Variants in RORA observed in about 807,000 individuals in gnomAD.
RORA encodes the protein nuclear receptor ROR-alpha.
A neutral mutation model predicts 69.5 loss-of-function variants in RORA; 7 were observed. The observed-to-expected ratio is 0.10, with a 90% CI of 0.06 to 0.19. The LOEUF is 0.19. RORA is among the 10% of genes least tolerant of loss of function. The probability of loss-of-function intolerance (pLI) is 1.00; values close to 1 mark genes in which losing one functional copy is unlikely to be tolerated. For synonymous variants in RORA, 261 were observed against 240.8 expected (o/e 1.08, Z -0.78); for missense variants, 457 against 663.0 (o/e 0.69, Z 3.41).
At chr15:60,837,215 C>G (rs1367122844) in intron 1 of RORA, among the ~76,000 whole-genome samples, 2 of 152,102 alleles carry the variant, frequency 1.3e-5, no homozygotes, top group African/African-American at 2.4e-5. Flanking sequence ...GTCTTTGGCC[C>G]TTCCTTCCTG....
intron 1 of RORA, among the ~76,000 whole-genome samples, chr15:60,727,672 G>T (rs532951138): frequency 6.6e-6 from 1 of 151,498 alleles, no homozygotes; most frequent in African/African-American, 2.4e-5. Context: ...GGTTGTTTGG[G>T]ACTTTAAAAA....
At chr15:61,046,048 A>G (rs1897004068) in intron 1 of RORA, among the ~76,000 whole-genome samples, 1 of 152,146 alleles carries the variant, frequency 6.6e-6, no homozygotes, top group Non-Finnish European at 1.5e-5. Context: ...AAAGAAAGCA[A>G]GGACTGAGAA....
intron 2 of RORA, among the ~76,000 whole-genome samples, chr15:60,607,366 G>A (rs1596049809): frequency 6.6e-6 from 1 of 152,246 alleles, no homozygotes; most frequent in East Asian, 1.9e-4. Flanking sequence ...CCCCTATAAA[G>A]TGATTTAGTT....
intron 1 of RORA, among the ~76,000 whole-genome samples, chr15:60,749,051 C>T (rs568410830): frequency 9.2e-5 from 14 of 152,136 alleles, no homozygotes; most frequent in Non-Finnish European, 1.6e-4. Flanking sequence ...AGAGTCCATC[C>T]CCAGGGATCC....
intron 2 of RORA, among the ~76,000 whole-genome samples, chr15:60,607,682 G>T (rs1411380326): frequency 6.6e-6 from 1 of 152,156 alleles, no homozygotes; most frequent in Non-Finnish European, 1.5e-5. Flanking sequence ...CCTATTTAAA[G>T]CTAGAATGTT....
chr15:61,122,767 G>A (rs368942482), intron 1 of RORA, among the ~76,000 whole-genome samples: 5 of 152,040 alleles, frequency 3.3e-5, no homozygotes, highest in African/African-American at 1.2e-4. Flanking sequence ...GCATGCTAAC[G>A]TCCACATCTG....
At chr15:60,569,030 G>A (rs1333083166) in intron 2 of RORA, among the ~76,000 whole-genome samples, 1 of 150,834 alleles carries the variant, frequency 6.6e-6, no homozygotes, top group Non-Finnish European at 1.5e-5. Context: ...AGGCCTTTTT[G>A]TGGTTAGTGT....
intron 1 of RORA, among the ~76,000 whole-genome samples, chr15:60,985,088 G>A (rs1306413241): frequency 6.6e-6 from 1 of 152,144 alleles, no homozygotes; most frequent in African/African-American, 2.4e-5. Flanking sequence ...CAAATTATAG[G>A]TGAAGAATGA....
chr15:60,655,492 G>A lies in RORA; in HGVS notation c.196+23165C>T, dbSNP rs533838505. 1.6e-4 allele frequency among the ~76,000 whole-genome samples: 25 copies of A among 152,274 alleles called. No homozygotes were observed. In the South Asian group the frequency reaches 4.8e-3, roughly 29 times the overall value. On this transcript the variant is annotated intron_variant, in intron 2 of 10. Coordinates refer to ENST00000335670, the MANE Select transcript of RORA (RefSeq NM_134261.3). ...CTCAAAGCTCCAGGGGGACAAGCAG[G>A]AAGGAGAGGCAGTGTCAATTACTGT...
intron 1 of RORA, among the ~76,000 whole-genome samples, chr15:61,129,967 G>A (rs1208312123): frequency 1.3e-5 from 2 of 152,190 alleles, no homozygotes. Context: ...GAAATGAAAG[G>A]TGTATAAGAT....
intron 1 of RORA, among the ~76,000 whole-genome samples, chr15:60,949,433 C>T (rs140241235): frequency 6.6e-6 from 1 of 152,210 alleles, no homozygotes; most frequent in Non-Finnish European, 1.5e-5. Context: ...TGTTCCCTCC[C>T]CACTCCATTC....
chr15:61,224,005 C>CA (rs11434024), intron 1 of RORA, among the ~76,000 whole-genome samples: 100,034 of 142,566 alleles, frequency 0.7, 35,521 homozygotes, highest in East Asian at 0.94. Context: ...AATTAGATAT[C>CA]AAAAAAAAAA....
In RORA at chr15:60,672,107, A is replaced by G. The variant is rs150710961; in HGVS notation, c.196+6550T>C. On this transcript the variant is annotated intron_variant, in intron 2 of 10. Transcript: ENST00000335670. ...TTCTAAAAAAAATAATAAAGTAAGAACGCTGTACAGTTTCCAGTAGACTAC... is the reference window on the plus strand; with the variant it reads ...TTCTAAAAAAAATAATAAAGTAAGAGCGCTGTACAGTTTCCAGTAGACTAC... 1.9e-3 allele frequency among the ~76,000 whole-genome samples: 291 copies of G among 152,224 alleles called. 1 individual carries two copies. Among genetic ancestry groups the G allele is most frequent in the African/African-American group, 6.9e-3 (287 of 41,528 alleles).
At chr15:60,958,943 C>T (rs1893343611) in intron 1 of RORA, among the ~76,000 whole-genome samples, 1 of 152,164 alleles carries the variant, frequency 6.6e-6, no homozygotes, top group Non-Finnish European at 1.5e-5. Context: ...CTCTCTGCAC[C>T]AGAAGAGCAA....
chr15:60,631,234 G>A (rs1331162144), intron 2 of RORA, among the ~76,000 whole-genome samples: 3 of 152,098 alleles, frequency 2.0e-5, no homozygotes, highest in Admixed American at 2.0e-4. Context: ...CCAATCTTAA[G>A]CAGCCCATCT....
chr15:60,522,860 A>G (rs2066217567), intron 3 of RORA, among the ~76,000 whole-genome samples: 1 of 151,720 alleles, frequency 6.6e-6, no homozygotes, highest in African/African-American at 2.4e-5. Flanking sequence ...TCACGAGGTC[A>G]GGAGTTCGAG....
At chr15:60,823,658 A>T (rs1019812135) in intron 1 of RORA, among the ~76,000 whole-genome samples, 2 of 152,266 alleles carry the variant, frequency 1.3e-5, no homozygotes, top group South Asian at 4.1e-4. Context: ...GAACACAAGC[A>T]TATGTAATAG....
At chr15:60,977,452 TG>T (rs1195740848) in intron 1 of RORA, among the ~76,000 whole-genome samples, 1 of 152,192 alleles carries the variant, frequency 6.6e-6, no homozygotes, top group Non-Finnish European at 1.5e-5. Flanking sequence ...AAGGTTTTCC[TG>T]TTTTTTTAAT....
chr15:60,567,386 T>TTTA (rs1030542207), intron 2 of RORA, among the ~76,000 whole-genome samples: 2 of 151,122 alleles, frequency 1.3e-5, no homozygotes, highest in African/African-American at 2.4e-5. Flanking sequence ...GATGCCCTCT[T>TTTA]TTATTATCAT....
Sources: allele counts gnomAD v4.1 joint callset (sites outside exome capture counted in the v4.1 genomes callset), GRCh38; gene constraint gnomAD v4.1.1; transcripts MANE v1.5; gene names NCBI Gene and HGNC (gene_info 2026-07-23, HGNC 2026-07-21).